Variants in TEX36 observed in about 807,000 individuals in gnomAD.
TEX36 encodes the protein testis-expressed protein 36.
In TEX36, 12 loss-of-function variants were observed where a neutral mutation model predicts 13.6. The observed-to-expected ratio is 0.88, with a 90% CI of 0.56 to 1.43. The LOEUF is 1.43. Among genes scored for constraint, TEX36 ranks in the 40% most tolerant of loss-of-function variants. TEX36 has a pLI of 0.00. For missense variants in TEX36, 224 were observed against 228.3 expected (o/e 0.98, Z 0.12); for synonymous variants, 93 against 83.0 (o/e 1.12, Z -0.65).
intron 3 of TEX36, among the ~76,000 whole-genome samples, chr10:125,580,346 T>C (rs1423237535): frequency 1.3e-5 from 2 of 152,220 alleles, no homozygotes; most frequent in Non-Finnish European, 2.9e-5. Context: ...CCATTTGCTC[T>C]TTTGTGGTAG....
chr10:125,603,016 G>A (rs752356982), intron 3 of TEX36, among the ~76,000 whole-genome samples: 57 of 152,240 alleles, frequency 3.7e-4, no homozygotes, highest in South Asian at 1.2e-3. Context: ...CCCCGCCCAC[G>A]GGCCCACCTG....
At chr10:125,636,893 T>C (rs868394082) in intron 3 of TEX36, among the ~76,000 whole-genome samples, 53 of 152,200 alleles carry the variant, frequency 3.5e-4, no homozygotes, top group African/African-American at 1.3e-3. Flanking sequence ...TATACTTAAA[T>C]GAACCCTTAT....
At chr10:125,585,431 A>C (rs1385515340) in intron 3 of TEX36, among the ~76,000 whole-genome samples, 1 of 152,164 alleles carries the variant, frequency 6.6e-6, no homozygotes, top group African/African-American at 2.4e-5. Flanking sequence ...CTCAGAAGCA[A>C]GGTCTCTTCA....
Position 125,582,013 on chromosome 10 carries a change from G to T in TEX36, c.265-5139C>A, listed in dbSNP as rs561885305. On this transcript the variant is annotated intron_variant, in intron 3 of 3. Transcript: ENST00000532135. ...CCACAGTGACGCATGGTCTTAGGGG[G>T]TAAGCAGGGGCTCTCACCAGACCTC... Among the ~76,000 whole-genome samples the T allele has an allele frequency of 4.6e-5, 7 of 152,348 alleles. No homozygotes were observed. In the East Asian group the frequency reaches 7.7e-4, roughly 17 times the overall value.
chr10:125,653,851 A>G (rs568130362), downstream of TEX36, among the ~76,000 whole-genome samples: 3 of 152,090 alleles, frequency 2.0e-5, no homozygotes, highest in East Asian at 1.9e-4. Context: ...GTGTGGTGGC[A>G]TGCTCCTGTA....
chr10:125,661,908 T>G lies in TEX36; in HGVS notation c.121A>C (p.Ser41Arg). 3 of 1,552,320 alleles carry G rather than the reference T, an allele frequency of 1.9e-6. No individual in the cohort carries two copies. Among genetic ancestry groups the G allele is most frequent in the Non-Finnish European group, 8.7e-7 (1 of 1,147,126 alleles). Residue 41 changes from serine to arginine, a missense_variant, in exon 2 of 4, where the codon AGT becomes CGT. Ser to Arg is a moderately radical substitution (Grantham distance 110). Transcript: ENST00000368821. ...TCCGCTTGCCGAGGCAAGTGTGGAC[T>G]CTGGGGCTCTTTTGACGTAGCACTG... ...ITSATSKEPQ[S>R]PHLPRQAEGK...
At chr10:125,595,378 A>G (rs967040417) in intron 3 of TEX36, among the ~76,000 whole-genome samples, 2 of 152,246 alleles carry the variant, frequency 1.3e-5, no homozygotes, top group African/African-American at 4.8e-5. Flanking sequence ...TCAGACAAGA[A>G]CATTCAGAAA....
chr10:125,594,302 T>C (rs539670986), intron 3 of TEX36, among the ~76,000 whole-genome samples: 7 of 152,332 alleles, frequency 4.6e-5, no homozygotes, highest in Admixed American at 3.9e-4. Flanking sequence ...TTTTTAAATG[T>C]CCCAGCTAAG....
intron 3 of TEX36, chr10:125,578,256 C>A (rs182592689): frequency 1.3e-5 from 2 of 152,288 alleles, no homozygotes; most frequent in East Asian, 3.9e-4. Context: ...ATACGTGGAT[C>A]CAAACCCACA....
In TEX36 at chr10:125,655,877, T is replaced by A. The variant is rs932542635; in HGVS notation, c.*23A>T. The A allele has an allele frequency of 6.8e-7, 1 of 1,461,160 alleles. No homozygotes were observed. Among genetic ancestry groups the A allele is most frequent in the Admixed American group, 2.7e-5 (1 of 36,780 alleles). 90.5% of individuals were successfully genotyped at this position (1,461,160 alleles called of 1,614,324 possible). A position where few individuals can be genotyped will look rare whatever the true frequency, so the allele number is the denominator to read the frequency against. On this transcript the variant is annotated 3_prime_UTR_variant, in exon 4 of 4. Transcript: ENST00000368821. ...TGATGAAATACCAGTATTACAAAAT[T>A]CATCAAAAATCTTCTGGGAGGATTA...
intron 3 of TEX36, among the ~76,000 whole-genome samples, chr10:125,615,025 T>A (rs1371025018): frequency 6.6e-6 from 1 of 152,220 alleles, no homozygotes; most frequent in East Asian, 1.9e-4. Context: ...TTCCTAGGTG[T>A]TTTATTCTCT....
At chr10:125,674,152 T>C (rs555485330) in intron 1 of TEX36, among the ~76,000 whole-genome samples, 1 of 152,348 alleles carries the variant, frequency 6.6e-6, no homozygotes, top group South Asian at 2.1e-4. Context: ...TGTCTGCCTG[T>C]CTTATTTCAG....
chr10:125,588,061 G>A (rs192083438), intron 3 of TEX36, among the ~76,000 whole-genome samples: 4 of 152,120 alleles, frequency 2.6e-5, no homozygotes, highest in African/African-American at 9.6e-5. Flanking sequence ...CTAATCTTTT[G>A]CTATTTCAAA....
intron 3 of TEX36, among the ~76,000 whole-genome samples, chr10:125,648,856 G>T (rs184255360): frequency 5.3e-5 from 8 of 152,278 alleles, no homozygotes; most frequent in Admixed American, 1.3e-4. Flanking sequence ...ACTACATGAC[G>T]CATGCACAAG....
chr10:125,649,530 C>T (rs779735453), intron 3 of TEX36, among the ~76,000 whole-genome samples: 1 of 152,182 alleles, frequency 6.6e-6, no homozygotes, highest in Non-Finnish European at 1.5e-5. Flanking sequence ...ACAACTGGCA[C>T]CAGCCACTGC....
chr10:125,617,564 A>G (rs913186856), downstream of TEX36, among the ~76,000 whole-genome samples: 1 of 152,210 alleles, frequency 6.6e-6, no homozygotes, highest in Non-Finnish European at 1.5e-5. Flanking sequence ...TTGGCTGGAT[A>G]TGAAATTCTG....
At chr10:125,656,505 G>A (rs550884162) in intron 3 of TEX36, among the ~76,000 whole-genome samples, 18 of 151,978 alleles carry the variant, frequency 1.2e-4, no homozygotes, top group Non-Finnish European at 1.6e-4. Context: ...CAATCTGCCC[G>A]CCTCAGCCTC....
At chr10:125,634,267 C>G (rs1846596685) in intron 3 of TEX36, among the ~76,000 whole-genome samples, 1 of 152,068 alleles carries the variant, frequency 6.6e-6, no homozygotes, top group African/African-American at 2.4e-5. Context: ...CAGCAGAAGC[C>G]AGGTCCCAAC....
At chr10:125,615,532 T>A (rs1228310960) in intron 3 of TEX36, among the ~76,000 whole-genome samples, 1 of 152,078 alleles carries the variant, frequency 6.6e-6, no homozygotes, top group African/African-American at 2.4e-5. Flanking sequence ...CTGCATCTAT[T>A]GAGATAATCA....
Sources: allele counts gnomAD v4.1 joint callset (sites outside exome capture counted in the v4.1 genomes callset), GRCh38; gene constraint gnomAD v4.1.1; transcripts MANE v1.5; gene names NCBI Gene and HGNC (gene_info 2026-07-23, HGNC 2026-07-21).